THOP1: variants seen among roughly 807,000 people sequenced by gnomAD.
THOP1 encodes thimet oligopeptidase.
A neutral mutation model predicts 71.8 loss-of-function variants in THOP1; 49 were observed. That is an observed-to-expected ratio of 0.68 (90% CI 0.54 to 0.87). The LOEUF (loss-of-function observed/expected upper bound fraction) is 0.87, where lower values mean the gene tolerates loss of function less well. THOP1 is among the 40% of genes least tolerant of loss of function. The probability of loss-of-function intolerance (pLI) is 0.00; values close to 1 mark genes in which losing one functional copy is unlikely to be tolerated. For synonymous variants in THOP1, 426 were observed against 421.5 expected (o/e 1.01, Z -0.13); for missense variants, 843 against 975.6 (o/e 0.86, Z 1.81).
intron 8 of THOP1, 192 bp from the exon 9 acceptor site, chr19:2,808,051 G>A: frequency 2.5e-6 from 2 of 789,484 alleles, no homozygotes; most frequent in East Asian, 5.5e-5. Context: ...TTTAGGGGAG[G>A]GATGGCAGCC....
At position 2,807,694 on chromosome 19, in the gene THOP1, C is replaced by A; in HGVS notation, c.1139C>A (p.Ala380Asp). 2 of 1,604,316 alleles carry A rather than the reference C, an allele frequency of 1.2e-6. No individual in the cohort carries two copies. Among genetic ancestry groups the A allele is most frequent in the Non-Finnish European group, 1.7e-6 (2 of 1,173,520 alleles). The change falls in exon 8 of 13, where the codon GCC becomes GAC. Residue 380 changes from alanine to aspartate, a missense_variant. By Grantham distance (126) the Ala-to-Asp change is moderately radical. Transcript: ENST00000307741. Reference sequence around the variant, plus strand: ...ATCTACCAGGAGCTCCTGGGGCTGGCCTTCCACCACGAGGAGGGCGCCAGT... The same window carrying A: ...ATCTACCAGGAGCTCCTGGGGCTGGACTTCCACCACGAGGAGGGCGCCAGT... Reference protein sequence around the residue: ...LGIYQELLGLAFHHEEGASAW... With the variant: ...LGIYQELLGLDFHHEEGASAW...
In THOP1 at chr19:2,790,495, C is replaced by T. The variant is rs1915849175; in HGVS notation, c.91C>T (p.Gln31Ter). 2 of 1,606,564 alleles carry T rather than the reference C, an allele frequency of 1.2e-6. No homozygotes were observed. Among genetic ancestry groups the T allele is most frequent in the South Asian group, 1.1e-5 (1 of 90,154 alleles). Residue 31 changes from glutamine to a stop codon, truncating the protein, a stop_gained, in exon 2 of 13, where the codon CAG (glutamine) becomes TAG (stop). Transcript: ENST00000307741. LOFTEE classifies it high-confidence loss of function. ...CGACCTGCGGTGGGACCTGAGTGCC[C>T]AGCAGATAGAGGAGCGCACCAGGGA... ...VNDLRWDLSA[Q>*]QIEERTRELI...
At chr19:2,808,108 G>T (rs549561666) in intron 8 of THOP1, 135 bp from the exon 9 acceptor site, 3 of 1,055,218 alleles carry the variant, frequency 2.8e-6, no homozygotes, top group African/African-American at 1.7e-5. Flanking sequence ...AGCCACCTCT[G>T]CTGAGAGGGA....
intron 4 of THOP1, among the ~76,000 whole-genome samples, chr19:2,796,523 G>C (rs994578783): frequency 6.6e-6 from 1 of 151,038 alleles, no homozygotes; most frequent in African/African-American, 2.4e-5. Context: ...CTTGGGGAGT[G>C]CTGGGTGGGG....
intron 6 of THOP1, chr19:2,806,628 C>G (rs573012990): frequency 1.4e-4 from 64 of 458,002 alleles, no homozygotes; most frequent in African/African-American, 1.3e-3. Flanking sequence ...TCCCCACATG[C>G]AGCAGTGATG....
At position 2,807,629 on chromosome 19, in the gene THOP1, G is replaced by C. The variant is rs776679853; in HGVS notation, c.1074G>C (p.Glu358Asp). The C allele has an allele frequency of 4.3e-6, 7 of 1,611,910 alleles. No homozygotes were observed. The highest frequency in any genetic ancestry group is 5.9e-6 in the Non-Finnish European group (7 of 1,179,298). Residue 358 changes from glutamate (E) to aspartate (D), a missense_variant, in exon 8 of 13, where the codon GAG (glutamate) becomes GAC (aspartate). Glu to Asp is a conservative substitution (Grantham distance 45). Coordinates refer to ENST00000307741, the MANE Select transcript of THOP1 (RefSeq NM_003249.5). ...GCGTGGACCAGAACCTGCTCAAGGA[G>C]TACTTCCCCGTGCAGGTGGTCACGC... is the stretch of plus-strand genomic sequence containing the variant. ...RYCVDQNLLK[E>D]YFPVQVVTHG... is the part of the protein sequence containing the mutation.
At chr19:2,812,376 C>A (rs1284911119) in intron 12 of THOP1, 2 of 1,509,238 alleles carry the variant, frequency 1.3e-6, no homozygotes, top group South Asian at 2.5e-5. Flanking sequence ...CCTGCAGGTA[C>A]CTCGGAGCCA....
At chr19:2,808,061 C>A in intron 8 of THOP1, 182 bp from the exon 9 acceptor site, 1 of 810,348 alleles carries the variant, frequency 1.2e-6, no homozygotes, top group Non-Finnish European at 1.9e-6. Flanking sequence ...GGATGGCAGC[C>A]GGGGCCTGGC....
At chr19:2,790,327 C>T (rs568477005) in intron 1 of THOP1, 94 bp from the exon 2 acceptor site, 154 of 1,198,102 alleles carry the variant, frequency 1.3e-4, no homozygotes, top group South Asian at 1.6e-4. Context: ...GGATGAGAAG[C>T]GGGTGATCCC....
At position 2,801,318 on chromosome 19, in the gene THOP1, TC is replaced by T. The variant is rs1195503302; in HGVS notation, c.589+1528del. ...CCGGTTTCAGCCAGTTTTGTTCTTGTCGGCGTTTCAGCTGCCTGTTTCTTTT... is the reference window on the plus strand; with the variant it reads ...CCGGTTTCAGCCAGTTTTGTTCTTGTGGCGTTTCAGCTGCCTGTTTCTTTT... On this transcript the variant is annotated intron_variant, in intron 5 of 12. Coordinates refer to ENST00000307741, the MANE Select transcript of THOP1 (RefSeq NM_003249.5). This position sits in a 1 kb window ranked among gnomAD's most constrained non-coding sequence, Gnocchi z 5.1. Among the ~76,000 whole-genome samples the T allele has an allele frequency of 6.6e-6, 1 of 152,236 alleles. No homozygotes were observed. The highest frequency in any genetic ancestry group is 1.5e-5 in the Non-Finnish European group (1 of 68,040).
intron 5 of THOP1, among the ~76,000 whole-genome samples, chr19:2,802,410 C>T (rs1916171142): frequency 7.4e-6 from 1 of 135,176 alleles, no homozygotes; most frequent in Admixed American, 7.4e-5. Flanking sequence ...TCCTGACACC[C>T]CCACCTCCCG....
At chr19:2,806,686 T>G in intron 6 of THOP1, 3 of 612,426 alleles carry the variant, frequency 4.9e-6, no homozygotes, top group Non-Finnish European at 8.1e-6. Flanking sequence ...CCACGTTCCG[T>G]GTGAGGCCTT....
chr19:2,812,103 G>A (rs1222436989), intron 12 of THOP1: 1 of 1,375,074 alleles, frequency 7.3e-7, no homozygotes, highest in Admixed American at 2.8e-5. Context: ...AGTCCTTCCG[G>A]GATCTGCGTG....
intron 12 of THOP1, chr19:2,812,055 G>C (rs79149534): frequency 8.6e-6 from 10 of 1,163,870 alleles, no homozygotes; most frequent in Non-Finnish European, 9.3e-6. Context: ...CTCAGGCCTC[G>C]GGCTGTGAGT....
intron 3 of THOP1, among the ~76,000 whole-genome samples, chr19:2,795,259 C>T (rs2144763064): frequency 6.6e-6 from 1 of 152,350 alleles, no homozygotes; most frequent in South Asian, 2.1e-4. Context: ...CACGCCCGGC[C>T]ACACATGTGC....
intron 5 of THOP1, among the ~76,000 whole-genome samples, chr19:2,803,885 C>T (rs1241619864): frequency 6.6e-6 from 1 of 152,194 alleles, no homozygotes; most frequent in Non-Finnish European, 1.5e-5. Flanking sequence ...CCCTTGCCTC[C>T]CTGGGGTCCC....
chr19:2,804,849 T>A lies in THOP1; in HGVS notation c.590-167T>A, dbSNP rs1457457278. Reference sequence around the variant, plus strand: ...CAGGGTATTTCTTGATGGGGTTAGATGGGGGATGTAAGAATTGCAGCGGGT... The same window carrying A: ...CAGGGTATTTCTTGATGGGGTTAGAAGGGGGATGTAAGAATTGCAGCGGGT... On this transcript the variant is annotated intron_variant, in intron 5 of 12. Coordinates refer to ENST00000307741, the MANE Select transcript of THOP1 (RefSeq NM_003249.5). The surrounding 1 kb of genome is among the most constrained non-coding windows in gnomAD (Gnocchi z 4.7). Among the ~76,000 whole-genome samples the A allele has an allele frequency of 6.6e-6, 1 of 151,720 alleles. No homozygotes were observed. Among genetic ancestry groups the A allele is most frequent in the Non-Finnish European group, 1.5e-5 (1 of 67,908 alleles).
At chr19:2,796,632 G>A (rs925781434) in intron 4 of THOP1, among the ~76,000 whole-genome samples, 2 of 150,076 alleles carry the variant, frequency 1.3e-5, no homozygotes, top group East Asian at 4.0e-4. Context: ...TCAGTCCTGG[G>A]GAGTGCTCAG....
chr19:2,812,334 G>T (rs1485142280), intron 12 of THOP1: 1 of 1,534,170 alleles, frequency 6.5e-7, no homozygotes, highest in Non-Finnish European at 8.7e-7. Context: ...GGCCGGCCCT[G>T]CCCTGCCTGG....
Sources: allele counts gnomAD v4.1 joint callset (sites outside exome capture counted in the v4.1 genomes callset), GRCh38; gene constraint gnomAD v4.1.1; non-coding constraint Gnocchi (gnomAD v3.1); transcripts MANE v1.5; gene names NCBI Gene and HGNC (gene_info 2026-07-23, HGNC 2026-07-21).